Variants in CUX2 observed in about 807,000 individuals in gnomAD.
The protein encoded by CUX2 is homeobox protein cut-like 2.
CUX2 carries 40 observed loss-of-function variants against 144.8 expected under a neutral mutation model. The ratio of observed to expected loss-of-function variants is 0.28; its 90% CI spans 0.21 to 0.36. The LOEUF (loss-of-function observed/expected upper bound fraction) is 0.36. CUX2 is among the 10% of genes least tolerant of loss of function. The probability of loss-of-function intolerance (pLI) is 1.00; values close to 1 mark genes in which losing one functional copy is unlikely to be tolerated. For synonymous variants in CUX2, 827 were observed against 875.6 expected (o/e 0.94, Z 0.98); for missense variants, 1,615 against 1,994.0 (o/e 0.81, Z 3.62).
chr12:111,145,126 C>T (rs879621140), intron 1 of CUX2, among the ~76,000 whole-genome samples: 6 of 152,196 alleles, frequency 3.9e-5, no homozygotes, highest in African/African-American at 1.4e-4. Context: ...CCTCTTTCCT[C>T]GAGCTGTCAG....
chr12:111,133,802 T>C (rs1875666862), intron 1 of CUX2, among the ~76,000 whole-genome samples: 1 of 151,988 alleles, frequency 6.6e-6, no homozygotes, highest in African/African-American at 2.4e-5. Flanking sequence ...CAGTGCAGGG[T>C]TAATTCCCTC....
intron 4 of CUX2, among the ~76,000 whole-genome samples, chr12:111,264,352 G>C (rs1322703072): frequency 2.0e-5 from 3 of 152,140 alleles, no homozygotes; most frequent in African/African-American, 7.2e-5. Context: ...TGGTCAAAAG[G>C]GGGAAGCAAT....
chr12:111,347,828 G>T lies in CUX2; in HGVS notation c.3964G>T (p.Asp1322Tyr), dbSNP rs747066254. 1.2e-6 allele frequency: 2 copies of T among 1,614,018 alleles called. No homozygotes were observed. Among genetic ancestry groups the T allele is most frequent in the East Asian group, 2.2e-5 (1 of 44,870 alleles). ...GSQPQDSGELDKGQGPPKEEH... is the reference protein window; with the variant it reads ...GSQPQDSGELYKGQGPPKEEH... ...CCAGCCCCAGGACTCAGGGGAGCTG[G>T]ACAAAGGCCAAGGTCCCCCCAAAGA... Residue 1322 changes from aspartate to tyrosine, a missense_variant, in exon 22 of 22, where the codon GAC becomes TAC. This residue lies in a region of CUX2 where 298 missense variants were observed against 330.4 expected (regional missense o/e 0.90). Coordinates refer to ENST00000261726, the MANE Select transcript of CUX2 (RefSeq NM_015267.4).
chr12:111,038,691 T>G (rs542889250), intron 1 of CUX2, among the ~76,000 whole-genome samples: 22 of 152,360 alleles, frequency 1.4e-4, no homozygotes, highest in African/African-American at 5.3e-4. Flanking sequence ...TGACAGAGAT[T>G]GCTTCTCAAA....
At chr12:111,194,134 A>G (rs140421922) in intron 1 of CUX2, among the ~76,000 whole-genome samples, 1,855 of 151,982 alleles carry the variant, frequency 0.012, 44 homozygotes, top group African/African-American at 0.043. Context: ...CTAGAGCCAG[A>G]CTCTTTGTCT....
intron 1 of CUX2, among the ~76,000 whole-genome samples, chr12:111,135,238 TG>T (rs920678105): frequency 1.4e-5 from 2 of 138,674 alleles, no homozygotes; most frequent in Non-Finnish European, 3.1e-5. Flanking sequence ...CAGGGGAGGG[TG>T]GGGTGTGGGA....
rs1886980836 is a variant in CUX2, at chr12:111,312,972, C to G, written c.2002+771C>G. 6.6e-6 allele frequency among the ~76,000 whole-genome samples: 1 copy of G among 152,200 alleles called. No individual in the cohort carries two copies. The highest frequency in any genetic ancestry group is 1.5e-5 in the Non-Finnish European group (1 of 68,030). ...CACCCCCACCACAGTGACCTGTTTGCTTGGTGTAGTGGAGCTGGACTGGCC... is the reference window on the plus strand; with the variant it reads ...CACCCCCACCACAGTGACCTGTTTGGTTGGTGTAGTGGAGCTGGACTGGCC... On this transcript the variant is annotated intron_variant, in intron 16 of 21. Transcript: ENST00000261726. The surrounding 1 kb of genome is among the most constrained non-coding windows in gnomAD (Gnocchi z 4.3).
chr12:111,189,534 G>A (rs964042379), intron 1 of CUX2, among the ~76,000 whole-genome samples: 4 of 152,208 alleles, frequency 2.6e-5, no homozygotes, highest in South Asian at 2.1e-4. Context: ...ATTCATGCTC[G>A]TGGCCACACC....
At position 111,035,751 on chromosome 12, in the gene CUX2, CT is replaced by C. The variant is rs925158099; in HGVS notation, c.63+1512del. Among the ~76,000 whole-genome samples, 17 of 152,100 alleles carry C rather than the reference CT, an allele frequency of 1.1e-4. No individual in the cohort carries two copies. Among genetic ancestry groups the C allele is most frequent in the Non-Finnish European group, 1.5e-5 (1 of 68,024 alleles). On this transcript the variant is annotated intron_variant, in intron 1 of 21. Transcript: ENST00000261726. This position sits in a 1 kb window ranked among gnomAD's most constrained non-coding sequence, Gnocchi z 6.0. ...GAACGCCCCACTCCTCGCTCTCCCC[CT>C]CCCCCAAAGCCATTGAGCTGGGGAG...
At chr12:111,337,041 A>G (rs913804192) in intron 19 of CUX2, among the ~76,000 whole-genome samples, 2 of 152,022 alleles carry the variant, frequency 1.3e-5, no homozygotes. Flanking sequence ...TGGGCATGGT[A>G]GTGTGTGCCT....
rs199752282 is a variant in CUX2, at chr12:111,295,419, G to A, written c.637+10G>A. ...AAAGTCCTACATTCAGGTATGTGTCGGCACCATGTGGCCTAGAGGGAGGAC... is the reference window on the plus strand; with the variant it reads ...AAAGTCCTACATTCAGGTATGTGTCAGCACCATGTGGCCTAGAGGGAGGAC... On this transcript the variant is annotated intron_variant, in intron 7 of 21. Coordinates refer to ENST00000261726, the MANE Select transcript of CUX2 (RefSeq NM_015267.4). The surrounding 1 kb of genome is among the most constrained non-coding windows in gnomAD (Gnocchi z 5.0). 56 of 1,609,698 alleles carry A rather than the reference G, an allele frequency of 3.5e-5. No homozygotes were observed. In the Admixed American group the frequency reaches 6.4e-4, roughly 18 times the overall value.
rs933392140 is a variant in CUX2 at position 111,171,716 on chromosome 12, G to A, written c.64-42484G>A. On this transcript the variant is annotated intron_variant, in intron 1 of 21. Coordinates refer to ENST00000261726, the MANE Select transcript of CUX2 (RefSeq NM_015267.4). The surrounding 1 kb of genome is among the most constrained non-coding windows in gnomAD (Gnocchi z 5.0). ...AGGGGCTCAGTGTCACCTTTGTCCA[G>A]TGCCTGAGCTGAGAACAGGGCTCCC... Among the ~76,000 whole-genome samples the A allele has an allele frequency of 2.6e-5, 4 of 152,222 alleles. No individual in the cohort carries two copies. Among genetic ancestry groups the A allele is most frequent in the Non-Finnish European group, 4.4e-5 (3 of 68,042 alleles).
intron 1 of CUX2, among the ~76,000 whole-genome samples, chr12:111,067,581 A>G (rs560907592): frequency 2.0e-5 from 3 of 152,252 alleles, no homozygotes; most frequent in East Asian, 3.9e-4. Context: ...TCTGCCACCT[A>G]CAATCAGAAA....
chr12:111,238,780 C>T (rs982252366), intron 3 of CUX2, among the ~76,000 whole-genome samples: 4 of 152,224 alleles, frequency 2.6e-5, no homozygotes, highest in African/African-American at 7.2e-5. Context: ...CATGGTGGCT[C>T]ACACCTGTAA....
chr12:111,061,275 A>G lies in CUX2; in HGVS notation c.63+27035A>G, dbSNP rs1451174243. Among the ~76,000 whole-genome samples the G allele has an allele frequency of 2.0e-5, 3 of 151,818 alleles. No homozygotes were observed. The highest frequency in any genetic ancestry group is 4.4e-5 in the Non-Finnish European group (3 of 67,960). ...CCAGGACCCATGCACACCACAGTCCATGGCATCCTTTGCTCTCCTTTCTTC... is the reference window on the plus strand; with the variant it reads ...CCAGGACCCATGCACACCACAGTCCGTGGCATCCTTTGCTCTCCTTTCTTC... On this transcript the variant is annotated intron_variant, in intron 1 of 21. Coordinates refer to ENST00000261726, the MANE Select transcript of CUX2 (RefSeq NM_015267.4). This position sits in a 1 kb window ranked among gnomAD's most constrained non-coding sequence, Gnocchi z 4.2.
At chr12:111,130,674 A>G (rs145364787) in intron 1 of CUX2, among the ~76,000 whole-genome samples, 1 of 152,340 alleles carries the variant, frequency 6.6e-6, no homozygotes, top group East Asian at 1.9e-4. Context: ...CATAGGTCTT[A>G]AATAACAAAT....
chr12:111,200,872 A>C (rs781171552), intron 1 of CUX2, among the ~76,000 whole-genome samples: 1 of 152,134 alleles, frequency 6.6e-6, no homozygotes, highest in African/African-American at 2.4e-5. Context: ...CCGCGGGGGC[A>C]TTTATATTAG....
At chr12:111,119,449 T>A (rs558608885) in intron 1 of CUX2, among the ~76,000 whole-genome samples, 54 of 151,398 alleles carry the variant, frequency 3.6e-4, no homozygotes, top group South Asian at 1.3e-3. Context: ...AAAAAAAAAA[T>A]TTTTTTTCTT....
intron 19 of CUX2, among the ~76,000 whole-genome samples, chr12:111,338,038 AAAG>A (rs1375586613): frequency 6.6e-6 from 1 of 151,960 alleles, no homozygotes; most frequent in Middle Eastern, 3.2e-3. Flanking sequence ...TGTCTCAAAA[AAAG>A]AAAAAAAAAA....
Sources: gnomAD v4.1 joint callset for allele counts (sites outside exome capture counted in the v4.1 genomes callset) on GRCh38, gnomAD v4.1.1 for gene constraint, gnomAD v4.1.1 regional missense constraint, Gnocchi (gnomAD v3.1) non-coding constraint, MANE v1.5 for transcripts, NCBI Gene and HGNC (gene_info 2026-07-23, HGNC 2026-07-21) for gene names.